ASTN2: variants seen among roughly 807,000 people sequenced by gnomAD.
ASTN2 encodes astrotactin 2.
ASTN2 carries 54 observed loss-of-function variants against 139.8 expected under a neutral mutation model. The observed-to-expected ratio is 0.39, with a 90% CI of 0.31 to 0.48. ASTN2 has a LOEUF of 0.48. Ranked by LOEUF, ASTN2 falls within the 20% of genes least tolerant of loss-of-function variation. The probability of loss-of-function intolerance (pLI) is 0.95; values close to 1 mark genes in which losing one functional copy is unlikely to be tolerated. For synonymous variants in ASTN2, 756 were observed against 719.5 expected (o/e 1.05, Z -0.81); for missense variants, 1,565 against 1,725.1 (o/e 0.91, Z 1.64).
intron 12 of ASTN2, among the ~76,000 whole-genome samples, chr9:116,811,955 T>C (rs1442477563): frequency 1.3e-5 from 2 of 152,316 alleles, no homozygotes; most frequent in African/African-American, 2.4e-5. Flanking sequence ...CAGTGTATGT[T>C]TGAGAACTTC....
chr9:117,111,442 A>AG (rs1829247067), intron 4 of ASTN2, among the ~76,000 whole-genome samples: 1 of 151,998 alleles, frequency 6.6e-6, no homozygotes, highest in Admixed American at 6.6e-5. Context: ...AAAATAAAAA[A>AG]AAAAACACTG....
chr9:116,432,333 C>G (rs1847523594), intron 22 of ASTN2, among the ~76,000 whole-genome samples: 1 of 152,150 alleles, frequency 6.6e-6, no homozygotes, highest in South Asian at 2.1e-4. Context: ...AGATCCATAT[C>G]ACATTTTTTC....
intron 12 of ASTN2, among the ~76,000 whole-genome samples, chr9:116,816,676 G>T (rs1178075845): frequency 6.6e-6 from 1 of 152,088 alleles, no homozygotes; most frequent in Non-Finnish European, 1.5e-5. Flanking sequence ...AAACAGACAG[G>T]AATGCAGGTA....
chr9:116,911,657 C>T (rs368645198), intron 10 of ASTN2, among the ~76,000 whole-genome samples: 7 of 152,290 alleles, frequency 4.6e-5, no homozygotes, highest in African/African-American at 1.7e-4. Flanking sequence ...GTAATCCCAG[C>T]ACTTTGGGAG....
intron 13 of ASTN2, among the ~76,000 whole-genome samples, chr9:116,791,794 G>A (rs1830567339): frequency 6.6e-6 from 1 of 152,174 alleles, no homozygotes; most frequent in African/African-American, 2.4e-5. Flanking sequence ...AGATGTCTCA[G>A]TGATTCAGAT....
At chr9:117,115,681 C>A (rs1829366251) in intron 4 of ASTN2, among the ~76,000 whole-genome samples, 1 of 151,992 alleles carries the variant, frequency 6.6e-6, no homozygotes, top group South Asian at 2.1e-4. Context: ...TGTTTGAATG[C>A]CTACTACATA....
chr9:117,172,745 T>A (rs1830823608), intron 3 of ASTN2, among the ~76,000 whole-genome samples: 1 of 152,170 alleles, frequency 6.6e-6, no homozygotes, highest in Admixed American at 6.6e-5. Flanking sequence ...TGAGATGATT[T>A]CATTCAACAA....
chr9:117,018,047 T>G (rs1027654640), intron 6 of ASTN2, among the ~76,000 whole-genome samples: 11 of 151,738 alleles, frequency 7.2e-5, no homozygotes, highest in African/African-American at 2.7e-4. Flanking sequence ...TTTCCCCTGA[T>G]TGTCACAATA....
chr9:116,900,964 T>C (rs989244075), intron 10 of ASTN2, among the ~76,000 whole-genome samples: 1 of 152,216 alleles, frequency 6.6e-6, no homozygotes, highest in Non-Finnish European at 1.5e-5. Context: ...TTTCTTTTTT[T>C]AAACTGGACT....
chr9:116,765,848 T>A (rs982879708), intron 13 of ASTN2, among the ~76,000 whole-genome samples: 3 of 152,106 alleles, frequency 2.0e-5, no homozygotes, highest in African/African-American at 7.2e-5. Context: ...AATATGAAGG[T>A]GGTCACCAGC....
chr9:116,512,178 T>C (rs2119192452), intron 19 of ASTN2, among the ~76,000 whole-genome samples: 1 of 152,360 alleles, frequency 6.6e-6, no homozygotes, highest in Middle Eastern at 3.4e-3. Flanking sequence ...TTTAAATGTG[T>C]CCCAGAGATT....
intron 13 of ASTN2, among the ~76,000 whole-genome samples, chr9:116,763,443 C>T (rs1468488123): frequency 1.3e-5 from 2 of 152,134 alleles, no homozygotes; most frequent in East Asian, 1.9e-4. Flanking sequence ...AACCACTCAG[C>T]GCCCCCGAAA....
At chr9:117,241,924 A>AC (rs373435287) in intron 2 of ASTN2, among the ~76,000 whole-genome samples, 5,084 of 128,036 alleles carry the variant, frequency 0.04, 114 homozygotes, top group South Asian at 0.078. Context: ...CGTGCAAGTT[A>AC]CCCCCCCCCA....
At chr9:116,476,440 C>T (rs1484239204) in intron 20 of ASTN2, among the ~76,000 whole-genome samples, 1 of 152,128 alleles carries the variant, frequency 6.6e-6, no homozygotes, top group Non-Finnish European at 1.5e-5. Flanking sequence ...CGGAGGGTTC[C>T]CCTGGCTGGG....
chr9:116,963,366 G>A (rs1835920987), intron 10 of ASTN2, among the ~76,000 whole-genome samples: 1 of 152,208 alleles, frequency 6.6e-6, no homozygotes, highest in African/African-American at 2.4e-5. Context: ...AATAGCAATT[G>A]AGGACATGGT....
At chr9:116,619,129 C>T (rs1337837486) in intron 18 of ASTN2, among the ~76,000 whole-genome samples, 1 of 152,072 alleles carries the variant, frequency 6.6e-6, no homozygotes, top group Non-Finnish European at 1.5e-5. Context: ...ATCCCAGATT[C>T]CCTTTTTCCA....
At chr9:117,038,649 A>C (rs1019304025) in intron 6 of ASTN2, among the ~76,000 whole-genome samples, 45 of 152,344 alleles carry the variant, frequency 3.0e-4, no homozygotes, top group African/African-American at 9.9e-4. Flanking sequence ...AAAAAGTTCT[A>C]AAACTAAAAA....
chr9:116,642,132 C>CAAAAAAAAA lies in ASTN2; in HGVS notation c.3072+9387_3072+9395dup, dbSNP rs1252642911. ...TGGGAAAATGAAGGCTCCCAACCCACAAAAAAAAAAAAACAAAAAAAAACA... is the reference window on the plus strand; with the variant it reads ...TGGGAAAATGAAGGCTCCCAACCCACAAAAAAAAAAAAAAAAAAAAAACAAAAAAAAACA... On this transcript the variant is annotated intron_variant, in intron 17 of 22. Coordinates refer to ENST00000313400, the MANE Select transcript of ASTN2 (RefSeq NM_001365068.1). 4.7e-4 allele frequency among the ~76,000 whole-genome samples: 23 copies of CAAAAAAAAA among 48,928 alleles called. 1 individual carries two copies. Among genetic ancestry groups the CAAAAAAAAA allele is most frequent in the African/African-American group, 1.1e-3 (15 of 13,088 alleles). 32.1% of individuals were successfully genotyped at this position (48,928 alleles called of 152,430 possible).
chr9:116,984,251 T>C (rs970531163), intron 7 of ASTN2, among the ~76,000 whole-genome samples: 3 of 152,224 alleles, frequency 2.0e-5, no homozygotes, highest in African/African-American at 7.2e-5. Context: ...TATGAACCTA[T>C]TTTCTGTGTC....
Sources: allele counts gnomAD v4.1 joint callset (sites outside exome capture counted in the v4.1 genomes callset), GRCh38; gene constraint gnomAD v4.1.1; transcripts MANE v1.5; gene names NCBI Gene and HGNC (gene_info 2026-07-23, HGNC 2026-07-21).